The following PCDH11X variants were observed in gnomAD, a reference collection of about 807,000 sequenced individuals.
PCDH11X encodes the protein protocadherin 11 X-linked.
In PCDH11X, 18 loss-of-function variants were observed where a neutral mutation model predicts 53.3. The ratio of observed to expected loss-of-function variants is 0.34; its 90% CI spans 0.23 to 0.50. The LOEUF is 0.50. Among genes scored for constraint, PCDH11X ranks in the 20% least tolerant of loss-of-function variants. The pLI, the probability that PCDH11X is intolerant of heterozygous loss-of-function variation, is 0.98. For synonymous variants in PCDH11X, 279 were observed against 393.3 expected, an observed-to-expected ratio of 0.71 and a Z score of 3.44; for missense variants, 570 against 1,032.4, an observed-to-expected ratio of 0.55 and a Z score of 6.14.
chrX:92,022,988 T>C (rs2148002045), intron 6 of PCDH11X, among the ~76,000 whole-genome samples: 1 of 110,490 alleles, frequency 9.1e-6, no homozygotes, highest in Non-Finnish European at 1.9e-5. Flanking sequence ...AGAGACAACA[T>C]ACCAGAATCT....
At chrX:92,511,290 A>G (rs975362093) in intron 10 of PCDH11X, among the ~76,000 whole-genome samples, 6 of 111,853 alleles carry the variant, frequency 5.4e-5, no homozygotes, top group Admixed American at 4.8e-4. Flanking sequence ...TGGTGTCATT[A>G]AAACATGTCA....
chrX:92,384,944 T>C (rs1170474043), intron 8 of PCDH11X, among the ~76,000 whole-genome samples: 4 of 99,286 alleles, frequency 4.0e-5, no homozygotes, highest in Non-Finnish European at 6.2e-5. Context: ...AACTATAAAC[T>C]AAGTTTCTCC....
chrX:91,813,878 C>T (rs1389792048), intron 4 of PCDH11X, among the ~76,000 whole-genome samples: 2 of 107,881 alleles, frequency 1.9e-5, no homozygotes, highest in Non-Finnish European at 3.8e-5. Flanking sequence ...AACAGTTCCT[C>T]TTGAAAATTA....
chrX:92,010,997 C>A (rs1342718435), intron 6 of PCDH11X, among the ~76,000 whole-genome samples: 2 of 111,075 alleles, frequency 1.8e-5, no homozygotes, highest in Non-Finnish European at 3.8e-5. Context: ...TGTTCCTGTG[C>A]TAATTCACTT....
intron 6 of PCDH11X, among the ~76,000 whole-genome samples, chrX:91,897,829 G>C (rs1342985906): frequency 4.5e-5 from 5 of 111,623 alleles, no homozygotes; most frequent in Admixed American, 9.6e-5. Context: ...GCTACATTAA[G>C]TTCTAGAAAT....
intron 1 of PCDH11X, among the ~76,000 whole-genome samples, chrX:91,790,778 T>G (rs1243911624): frequency 9.0e-6 from 1 of 111,420 alleles, no homozygotes; most frequent in Non-Finnish European, 1.9e-5. Context: ...TTCTCATTTC[T>G]TTATGTGCAG....
chrX:92,472,049 A>G (rs1384417785), intron 10 of PCDH11X, among the ~76,000 whole-genome samples: 1 of 110,409 alleles, frequency 9.1e-6, no homozygotes, highest in African/African-American at 3.3e-5. Flanking sequence ...CTGTCATTCC[A>G]TAGATTGTTT....
chrX:91,819,913 T>C (rs1387358115), intron 4 of PCDH11X, among the ~76,000 whole-genome samples: 1 of 98,269 alleles, frequency 1.0e-5, no homozygotes, highest in East Asian at 3.2e-4. Context: ...TGAGTGAGAA[T>C]ATGTGGTGTT....
At chrX:92,553,753 G>A (rs2075001518) in intron 10 of PCDH11X, among the ~76,000 whole-genome samples, 1 of 107,697 alleles carries the variant, frequency 9.3e-6, no homozygotes, top group African/African-American at 3.4e-5. Context: ...ATAGGTTTTG[G>A]TGTTATATTT....
chrX:92,070,341 G>A (rs931849707), intron 6 of PCDH11X, among the ~76,000 whole-genome samples: 1 of 111,215 alleles, frequency 9.0e-6, no homozygotes, highest in Non-Finnish European at 1.9e-5. Flanking sequence ...TTTCCCTTTA[G>A]TATTTCTTAT....
At chrX:91,947,762 G>T (rs2061593898) in intron 6 of PCDH11X, among the ~76,000 whole-genome samples, 1 of 106,145 alleles carries the variant, frequency 9.4e-6, no homozygotes, top group Non-Finnish European at 1.9e-5. Flanking sequence ...TGGTGTGTGG[G>T]ATATGGTTGC....
At chrX:92,209,812 C>T (rs2066547233) in intron 7 of PCDH11X, among the ~76,000 whole-genome samples, 1 of 112,463 alleles carries the variant, frequency 8.9e-6, no homozygotes, top group African/African-American at 3.2e-5. Flanking sequence ...TCTGCCTGGA[C>T]ATTGAGGTTT....
chrX:91,935,613 C>A (rs2061435706), intron 6 of PCDH11X, among the ~76,000 whole-genome samples: 1 of 107,350 alleles, frequency 9.3e-6, no homozygotes. Context: ...CCAAAAAGTA[C>A]CTGAGACAAG....
intron 8 of PCDH11X, among the ~76,000 whole-genome samples, chrX:92,293,768 A>G (rs779861197): frequency 5.2e-4 from 58 of 110,661 alleles, no homozygotes; most frequent in African/African-American, 1.9e-3. Context: ...ACATTCTATA[A>G]AATACCTAAC....
At chrX:92,201,762 A>C (rs2148323312) in intron 7 of PCDH11X, among the ~76,000 whole-genome samples, 1 of 112,625 alleles carries the variant, frequency 8.9e-6, no homozygotes, top group Non-Finnish European at 1.9e-5. Flanking sequence ...TGAAAAAAGT[A>C]AAACTGCTGT....
At chrX:92,132,663 A>G (rs1187623918) in intron 6 of PCDH11X, among the ~76,000 whole-genome samples, 2 of 56,406 alleles carry the variant, frequency 3.5e-5, no homozygotes, top group African/African-American at 1.9e-4. Flanking sequence ...ATATGTATAT[A>G]TATATGTATA....
chrX:92,098,646 T>C (rs1374920370), intron 6 of PCDH11X, among the ~76,000 whole-genome samples: 3 of 93,293 alleles, frequency 3.2e-5, no homozygotes, highest in Non-Finnish European at 4.2e-5. Context: ...CTTTTTTTTT[T>C]TTTTTTTTTT....
At chrX:91,830,652 A>G (rs1484667521) in intron 4 of PCDH11X, among the ~76,000 whole-genome samples, 1 of 111,181 alleles carries the variant, frequency 9.0e-6, no homozygotes, top group Non-Finnish European at 1.9e-5. Context: ...CTTTGCTTGT[A>G]TTTGAGACCA....
intron 9 of PCDH11X, among the ~76,000 whole-genome samples, chrX:92,425,717 G>C (rs1401861079): frequency 1.6e-4 from 14 of 88,945 alleles, no homozygotes; most frequent in Admixed American, 2.7e-4. Flanking sequence ...AGTACAGATG[G>C]AGAAGATGAA....
Sources: gnomAD v4.1 joint callset for allele counts (sites outside exome capture counted in the v4.1 genomes callset) on GRCh38, gnomAD v4.1.1 for gene constraint, MANE v1.5 for transcripts, NCBI Gene and HGNC (gene_info 2026-07-23, HGNC 2026-07-21) for gene names.